The following SNX27 variants were observed in gnomAD, a reference collection of about 807,000 sequenced individuals.
SNX27 encodes sorting nexin 27.
Under a neutral mutation model 71.6 loss-of-function variants are expected in SNX27, and 22 were observed. The ratio of observed to expected loss-of-function variants is 0.31; its 90% CI spans 0.22 to 0.44. The LOEUF (loss-of-function observed/expected upper bound fraction) is 0.44. Ranked by LOEUF, SNX27 falls within the 20% of genes least tolerant of loss-of-function variation. The pLI is 1.00. For synonymous variants in SNX27, 269 were observed against 277.2 expected (o/e 0.97, Z 0.29); for missense variants, 531 against 698.6 (o/e 0.76, Z 2.70).
At chr1:151,693,081 T>G in intron 10 of SNX27, 42 bp downstream of exon 10, 2 of 1,593,082 alleles carry the variant, frequency 1.3e-6, no homozygotes, top group Non-Finnish European at 1.7e-6. Flanking sequence ...TTAGTTTGTT[T>G]TTTTGTTTTT....
At position 151,683,464 on chromosome 1, in the gene SNX27, A is replaced by T; in HGVS notation, c.1239+19A>T. The T allele has an allele frequency of 6.3e-7, 1 of 1,587,626 alleles. No homozygotes were observed. The highest frequency in any genetic ancestry group is 8.6e-7 in the Non-Finnish European group (1 of 1,160,762). ...GGTCATGGTAAGTTTATGTCCCCAT[A>T]ATCCCTTTAAAAATGCCCCTTCCTA... On this transcript the variant is annotated intron_variant, in intron 8 of 11. Coordinates refer to ENST00000458013, the MANE Select transcript of SNX27 (RefSeq NM_001330723.2).
intron 1 of SNX27, among the ~76,000 whole-genome samples, chr1:151,613,606 C>G (rs1667294306): frequency 6.6e-6 from 1 of 152,024 alleles, no homozygotes; most frequent in South Asian, 2.1e-4. Context: ...GCAGCCCACC[C>G]TCTCTCCCCT....
At chr1:151,654,120 C>T (rs528531745) in intron 2 of SNX27, among the ~76,000 whole-genome samples, 5 of 152,234 alleles carry the variant, frequency 3.3e-5, no homozygotes, top group East Asian at 1.9e-4. Flanking sequence ...CGTGAGCCAC[C>T]GTGCCCGGCC....
intron 7 of SNX27, among the ~76,000 whole-genome samples, chr1:151,682,309 A>T (rs1671003495): frequency 6.6e-6 from 1 of 152,250 alleles, no homozygotes; most frequent in Non-Finnish European, 1.5e-5. Context: ...TAAAGAAAGG[A>T]AGGTTTTTTT....
At chr1:151,629,648 A>G (rs1270260078) in intron 1 of SNX27, among the ~76,000 whole-genome samples, 1 of 150,006 alleles carries the variant, frequency 6.7e-6, no homozygotes, top group Non-Finnish European at 1.5e-5. Flanking sequence ...CAGTGGGGCA[A>G]TCTCAGCTCA....
intron 1 of SNX27, among the ~76,000 whole-genome samples, chr1:151,620,423 T>A (rs953666402): frequency 8.5e-5 from 13 of 152,210 alleles, no homozygotes; most frequent in Non-Finnish European, 5.9e-5. Context: ...TGGACTGTCT[T>A]GTACTATATA....
intron 7 of SNX27, chr1:151,678,867 T>C (rs1670815908): frequency 6.6e-6 from 1 of 152,102 alleles, no homozygotes; most frequent in African/African-American, 2.4e-5. Flanking sequence ...GGCACTACAG[T>C]TGCATATCAC....
At chr1:151,634,580 T>A (rs1668388522) in intron 1 of SNX27, among the ~76,000 whole-genome samples, 1 of 152,208 alleles carries the variant, frequency 6.6e-6, no homozygotes, top group Admixed American at 6.5e-5. Context: ...CTCTCTCTAT[T>A]GGGGCCAAAT....
At chr1:151,639,209 G>T (rs566257954) in intron 2 of SNX27, 90 bp downstream of exon 2, 2 of 1,157,056 alleles carry the variant, frequency 1.7e-6, no homozygotes, top group East Asian at 2.5e-5. Context: ...TAGATAAAAG[G>T]CTGCAACCTA....
chr1:151,667,661 T>A (rs1295818958), intron 6 of SNX27, among the ~76,000 whole-genome samples: 1 of 151,236 alleles, frequency 6.6e-6, no homozygotes, highest in Admixed American at 6.6e-5. Flanking sequence ...CCGTCTCTAC[T>A]AAAAAAATAC....
At chr1:151,641,702 A>G (rs1057239150) in intron 2 of SNX27, among the ~76,000 whole-genome samples, 5 of 140,198 alleles carry the variant, frequency 3.6e-5, no homozygotes, top group Non-Finnish European at 7.6e-5. Flanking sequence ...TATCATATAT[A>G]TGATATATAT....
intron 4 of SNX27, chr1:151,661,240 G>A (rs1489179846): frequency 5.4e-6 from 1 of 186,236 alleles, no homozygotes. Context: ...GTAGGTAAGA[G>A]CTAAATCTTG....
At chr1:151,648,092 T>A (rs1484296783) in intron 2 of SNX27, among the ~76,000 whole-genome samples, 1 of 152,198 alleles carries the variant, frequency 6.6e-6, no homozygotes, top group Non-Finnish European at 1.5e-5. Context: ...TCTCACTCTG[T>A]CACCCAGGCT....
intron 5 of SNX27, among the ~76,000 whole-genome samples, chr1:151,663,050 A>G (rs1670031246): frequency 6.6e-6 from 1 of 152,120 alleles, no homozygotes; most frequent in Admixed American, 6.5e-5. Context: ...GGTATTGCCT[A>G]ATAACTACTC....
chr1:151,617,888 T>G (rs1033879469), intron 1 of SNX27, among the ~76,000 whole-genome samples: 4 of 150,516 alleles, frequency 2.7e-5, no homozygotes, highest in African/African-American at 9.8e-5. Flanking sequence ...GTTTTTTTTT[T>G]TTTTTTTTTT....
In SNX27 at chr1:151,614,772, A is replaced by C. The variant is rs567621709; in HGVS notation, c.311+2260A>C. 4.7e-4 allele frequency among the ~76,000 whole-genome samples: 71 copies of C among 152,362 alleles called. 1 individual carries two copies. In the South Asian group the frequency reaches 0.014, roughly 29 times the overall value. On this transcript the variant is annotated intron_variant, in intron 1 of 11. Coordinates refer to ENST00000458013, the MANE Select transcript of SNX27 (RefSeq NM_001330723.2). ...TTATTTTTAAATTTAAAACTAAAGC[A>C]TTTATAATTATAAATTTATGATGAA...
intron 1 of SNX27, among the ~76,000 whole-genome samples, chr1:151,633,082 C>T (rs573208640): frequency 1.3e-5 from 2 of 152,144 alleles, no homozygotes; most frequent in African/African-American, 4.8e-5. Context: ...CCGTGTTAGC[C>T]AGGATGGTCT....
At chr1:151,648,687 GGGATTACA>G (rs1214544931) in intron 2 of SNX27, among the ~76,000 whole-genome samples, 11 of 152,132 alleles carry the variant, frequency 7.2e-5, no homozygotes, top group Admixed American at 2.0e-4. Context: ...CCAAAGTGCT[GGGATTACA>G]GGCGTGAGCC....
At chr1:151,660,654 G>T (rs1451119999) in intron 3 of SNX27, 144 bp from the exon 4 acceptor site, 2 of 630,744 alleles carry the variant, frequency 3.2e-6, no homozygotes, top group Non-Finnish European at 5.8e-6. Context: ...TTATATACCA[G>T]ACATGGTTTG....
Sources: allele counts gnomAD v4.1 joint callset (sites outside exome capture counted in the v4.1 genomes callset), GRCh38; gene constraint gnomAD v4.1.1; transcripts MANE v1.5; gene names NCBI Gene and HGNC (gene_info 2026-07-23, HGNC 2026-07-21).